The following MGAT4C variants were observed in gnomAD, a reference collection of about 807,000 sequenced individuals.
MGAT4C encodes alpha-1,3-mannosyl-glycoprotein 4-beta-N-acetylglucosaminyltransferase C.
A neutral mutation model predicts 40.1 loss-of-function variants in MGAT4C; 19 were observed. The observed-to-expected ratio is 0.47, with a 90% CI of 0.33 to 0.70. The LOEUF (loss-of-function observed/expected upper bound fraction) is 0.70, where lower values mean the gene tolerates loss of function less well. MGAT4C is among the 30% of genes least tolerant of loss of function. MGAT4C has a pLI of 0.02. For missense variants in MGAT4C, 491 were observed against 563.2 expected (o/e 0.87, Z 1.30); for synonymous variants, 181 against 187.1 (o/e 0.97, Z 0.27).
upstream of MGAT4C, among the ~76,000 whole-genome samples, chr12:86,260,701 GCAC>G (rs1952640302): frequency 1.3e-5 from 2 of 152,022 alleles, no homozygotes; most frequent in South Asian, 4.2e-4. Flanking sequence ...TATATTTTAT[GCAC>G]CATGACAAGG....
chr12:86,572,414 T>C (rs1960401968), intron 2 of MGAT4C, among the ~76,000 whole-genome samples: 1 of 152,072 alleles, frequency 6.6e-6, no homozygotes, highest in African/African-American at 2.4e-5. Context: ...AATTCTGCTT[T>C]ACTCCCTTAC....
At chr12:86,532,117 G>T (rs563838021) in intron 2 of MGAT4C, among the ~76,000 whole-genome samples, 1 of 152,026 alleles carries the variant, frequency 6.6e-6, no homozygotes, top group South Asian at 2.1e-4. Flanking sequence ...TAAATTAAGT[G>T]ACTGAAATTC....
Position 86,306,780 on chromosome 12 carries a change from T to C in MGAT4C, c.-57+27285A>G, listed in dbSNP as rs182840011. On this transcript the variant is annotated intron_variant, in intron 4 of 7. Coordinates refer to the MGAT4C transcript ENST00000548651. ...GGTATGTAGGGGAACAGTGCAGCGA[T>C]TCTACAAATATTTTTGAAATGTAGA... 2.4e-3 allele frequency among the ~76,000 whole-genome samples: 358 copies of C among 150,556 alleles called. 5 individuals carry two copies. The highest frequency in any genetic ancestry group is 4.0e-3 in the Non-Finnish European group (275 of 67,952).
intron 3 of MGAT4C, among the ~76,000 whole-genome samples, chr12:86,424,093 C>T (rs118103881): frequency 0.01 from 1,560 of 152,238 alleles, 18 homozygotes; most frequent in East Asian, 0.045. Context: ...CTCTTCATAG[C>T]TTAAACTTCA....
At chr12:86,537,948 G>T (rs368252027) in intron 2 of MGAT4C, among the ~76,000 whole-genome samples, 1 of 152,066 alleles carries the variant, frequency 6.6e-6, no homozygotes, top group African/African-American at 2.4e-5. Flanking sequence ...TTAGCCAGGC[G>T]TGGTGGTGGG....
intron 1 of MGAT4C, among the ~76,000 whole-genome samples, chr12:86,754,077 C>T (rs1414710781): frequency 6.6e-6 from 1 of 151,976 alleles, no homozygotes; most frequent in African/African-American, 2.4e-5. Context: ...AGCCCTGAAC[C>T]AAAACAACCA....
At chr12:85,983,836 T>A (rs561841964) in intron 3 of MGAT4C, among the ~76,000 whole-genome samples, 166 bp from the exon 4 acceptor site, 91 of 152,304 alleles carry the variant, frequency 6.0e-4, no homozygotes, top group African/African-American at 2.0e-3. Flanking sequence ...ATCACTCACC[T>A]CATTTTTTAC....
chr12:86,767,754 A>C (rs1158508737), intron 1 of MGAT4C, among the ~76,000 whole-genome samples: 2 of 152,240 alleles, frequency 1.3e-5, no homozygotes, highest in Admixed American at 1.3e-4. Flanking sequence ...AAACAGAACC[A>C]AAGACAAAAA....
intron 1 of MGAT4C, among the ~76,000 whole-genome samples, chr12:86,151,348 C>T (rs1484127926): frequency 3.3e-5 from 5 of 152,022 alleles, no homozygotes; most frequent in Admixed American, 1.3e-4. Context: ...CGCGGTGGCT[C>T]ACAACTGTAA....
chr12:86,489,239 T>C (rs1419744203), intron 2 of MGAT4C, among the ~76,000 whole-genome samples: 3 of 152,106 alleles, frequency 2.0e-5, no homozygotes, highest in Admixed American at 6.6e-5. Flanking sequence ...GTGGCTTGAC[T>C]TCAGGCAAGA....
chr12:86,415,070 C>A (rs560913546), intron 3 of MGAT4C, among the ~76,000 whole-genome samples: 11 of 152,072 alleles, frequency 7.2e-5, no homozygotes, highest in Admixed American at 7.2e-4. Context: ...CTAGCAGCAG[C>A]AGATAATCTA....
intron 2 of MGAT4C, among the ~76,000 whole-genome samples, chr12:86,449,401 T>G (rs1482058534): frequency 6.6e-6 from 1 of 152,202 alleles, no homozygotes. Flanking sequence ...TTTACCTAAT[T>G]TTGTTTTTAT....
chr12:86,751,229 G>A (rs1250133602), intron 1 of MGAT4C, among the ~76,000 whole-genome samples: 3 of 151,914 alleles, frequency 2.0e-5, no homozygotes, highest in African/African-American at 7.2e-5. Flanking sequence ...TAGAAACTTA[G>A]GTTACTGCAG....
chr12:86,335,365 T>C (rs1378935392), intron 3 of MGAT4C, among the ~76,000 whole-genome samples: 2 of 152,164 alleles, frequency 1.3e-5, no homozygotes, highest in African/African-American at 4.8e-5. Flanking sequence ...GATCCAGAGA[T>C]ACATCCCTTT....
At chr12:86,081,479 T>C (rs1285093065) in intron 1 of MGAT4C, among the ~76,000 whole-genome samples, 3 of 152,184 alleles carry the variant, frequency 2.0e-5, no homozygotes, top group South Asian at 2.1e-4. Flanking sequence ...GTTGTTGTTG[T>C]TCACAGAAAT....
intron 2 of MGAT4C, among the ~76,000 whole-genome samples, chr12:86,603,583 AGT>A (rs1565878216): frequency 8.2e-6 from 1 of 122,096 alleles, no homozygotes; most frequent in Non-Finnish European, 1.6e-5. Context: ...GATAATATAT[AGT>A]CATATAGTCT....
At chr12:86,812,908 A>G (rs1318819988) in intron 1 of MGAT4C, among the ~76,000 whole-genome samples, 2 of 152,104 alleles carry the variant, frequency 1.3e-5, no homozygotes, top group Non-Finnish European at 2.9e-5. Flanking sequence ...TTCATTTGCC[A>G]TTGGTATTGC....
chr12:86,571,214 A>G (rs1357514702), intron 2 of MGAT4C, among the ~76,000 whole-genome samples: 4 of 152,130 alleles, frequency 2.6e-5, no homozygotes, highest in Non-Finnish European at 4.4e-5. Flanking sequence ...CATTTCTTCT[A>G]AAATACTTTT....
intron 2 of MGAT4C, among the ~76,000 whole-genome samples, chr12:86,015,213 C>G (rs1054666864): frequency 2.7e-5 from 4 of 148,176 alleles, no homozygotes; most frequent in Admixed American, 6.8e-5. Context: ...AAGGTTGGTG[C>G]AAAAGTAATT....
Sources: gnomAD v4.1 joint callset for allele counts (sites outside exome capture counted in the v4.1 genomes callset) on GRCh38, gnomAD v4.1.1 for gene constraint, MANE v1.5 for transcripts, NCBI Gene and HGNC (gene_info 2026-07-23, HGNC 2026-07-21) for gene names.